ZPLD1: variants seen among roughly 807,000 people sequenced by gnomAD.
ZPLD1 encodes zona pellucida-like domain-containing protein 1.
ZPLD1 carries 34 observed loss-of-function variants against 47.2 expected under a neutral mutation model. The ratio of observed to expected loss-of-function variants is 0.72; its 90% CI spans 0.55 to 0.96. ZPLD1 has a LOEUF of 0.96. Ranked by LOEUF, ZPLD1 falls within the 40% of genes least tolerant of loss-of-function variation. The pLI is 0.00. For missense variants in ZPLD1, 512 were observed against 505.8 expected (o/e 1.01, Z -0.12); for synonymous variants, 176 against 186.2 (o/e 0.95, Z 0.45).
intron 8 of ZPLD1, among the ~76,000 whole-genome samples, chr3:102,422,047 G>A (rs1039687115): frequency 1.3e-5 from 2 of 152,026 alleles, no homozygotes; most frequent in Non-Finnish European, 2.9e-5. Flanking sequence ...TGTTTAAACA[G>A]TAAAGCATTA....
chr3:102,401,429 A>C (rs902942626), intron 7 of ZPLD1, among the ~76,000 whole-genome samples: 1 of 152,122 alleles, frequency 6.6e-6, no homozygotes, highest in Admixed American at 6.6e-5. Context: ...TATGAAGTGC[A>C]TACAATGTGA....
chr3:102,415,524 A>G (rs1706795358), intron 7 of ZPLD1, among the ~76,000 whole-genome samples: 1 of 151,966 alleles, frequency 6.6e-6, no homozygotes, highest in South Asian at 2.1e-4. Context: ...AAACTTCATG[A>G]AGCATAGGGG....
At chr3:102,423,836 T>G (rs1054498890) in intron 8 of ZPLD1, among the ~76,000 whole-genome samples, 9 of 152,120 alleles carry the variant, frequency 5.9e-5, no homozygotes, top group Admixed American at 4.6e-4. Flanking sequence ...AATTGATTGG[T>G]TAACATGACC....
chr3:102,387,105 T>C (rs914247100), intron 6 of ZPLD1, among the ~76,000 whole-genome samples: 1 of 152,218 alleles, frequency 6.6e-6, no homozygotes, highest in African/African-American at 2.4e-5. Flanking sequence ...TGATTTTAAT[T>C]ATATAGCTCC....
intron 7 of ZPLD1, among the ~76,000 whole-genome samples, chr3:102,405,980 T>C (rs1260410344): frequency 6.6e-6 from 1 of 152,002 alleles, no homozygotes; most frequent in African/African-American, 2.4e-5. Context: ...AGCTATTTTG[T>C]TTTTATTTAA....
chr3:102,414,605 A>G (rs546276030), intron 7 of ZPLD1, among the ~76,000 whole-genome samples: 105 of 152,042 alleles, frequency 6.9e-4, no homozygotes, highest in African/African-American at 2.4e-3. Context: ...GTTATTCAAT[A>G]TCAGTTACCT....
chr3:102,416,816 G>A (rs557069395), intron 7 of ZPLD1, among the ~76,000 whole-genome samples: 3 of 152,018 alleles, frequency 2.0e-5, no homozygotes, highest in East Asian at 1.9e-4. Context: ...TTATAAATAT[G>A]CTTTTTCGTG....
intron 3 of ZPLD1, among the ~76,000 whole-genome samples, chr3:102,438,868 T>C (rs1161262428): frequency 6.6e-6 from 1 of 152,206 alleles, no homozygotes; most frequent in Non-Finnish European, 1.5e-5. Flanking sequence ...ACTAATTTCA[T>C]TCAAAATTTG....
rs192445719 is a variant in ZPLD1 at position 102,437,221 on chromosome 3, C to T, written c.-9+248C>T. Among the ~76,000 whole-genome samples, 368 of 152,318 alleles carry T rather than the reference C, an allele frequency of 2.4e-3. 4 individuals carry two copies. The highest frequency in any genetic ancestry group is 4.3e-4 in the Non-Finnish European group (29 of 68,040). ...GCTGTTCTCTCCAAAGTCTTTAGAT[C>T]TGTGCCCGAGTACTGTGTGATAGTG... On this transcript the variant is annotated intron_variant, in intron 2 of 11. Coordinates refer to ENST00000466937, the MANE Select transcript of ZPLD1 (RefSeq NM_001329788.2).
intron 8 of ZPLD1, among the ~76,000 whole-genome samples, chr3:102,427,990 C>G (rs1406655821): frequency 6.6e-6 from 1 of 151,998 alleles, no homozygotes; most frequent in Non-Finnish European, 1.5e-5. Context: ...GAAGTGCTTC[C>G]TTTTGATTAA....
intron 7 of ZPLD1, among the ~76,000 whole-genome samples, chr3:102,417,694 A>G (rs1055313104): frequency 2.0e-5 from 3 of 151,978 alleles, no homozygotes; most frequent in African/African-American, 4.8e-5. Flanking sequence ...AGGGCCCGGC[A>G]TCTTTCACGA....
intron 6 of ZPLD1, among the ~76,000 whole-genome samples, chr3:102,461,234 A>G (rs1338828588): frequency 6.6e-6 from 1 of 152,068 alleles, no homozygotes; most frequent in African/African-American, 2.4e-5. Context: ...CTTTTCTGCC[A>G]AACAGCAATG....
intron 7 of ZPLD1, among the ~76,000 whole-genome samples, chr3:102,397,132 A>C (rs1339626641): frequency 6.6e-6 from 1 of 151,964 alleles, no homozygotes; most frequent in Non-Finnish European, 1.5e-5. Context: ...CTCACAGAAA[A>C]TTTTTCATAT....
intron 4 of ZPLD1, 64 bp downstream of exon 4, chr3:102,453,203 G>T: frequency 7.2e-7 from 1 of 1,383,676 alleles, no homozygotes; most frequent in South Asian, 1.2e-5. Context: ...CCCATTTCAT[G>T]AAAGAATAAG....
intron 7 of ZPLD1, among the ~76,000 whole-genome samples, chr3:102,394,185 T>C (rs1028949850): frequency 1.2e-4 from 19 of 152,164 alleles, no homozygotes; most frequent in African/African-American, 4.6e-4. Flanking sequence ...CTACGGAAGT[T>C]AGAGGTAGAA....
In ZPLD1 at chr3:102,399,803, A is replaced by AGTTT. The variant is rs200587287; in HGVS notation, c.-157+7595_-157+7598dup. Among the ~76,000 whole-genome samples, 106 of 151,854 alleles carry AGTTT rather than the reference A, an allele frequency of 7.0e-4. No individual in the cohort carries two copies. In the East Asian group the frequency reaches 0.019, roughly 27 times the overall value. On this transcript the variant is annotated intron_variant, in intron 7 of 17. Coordinates refer to the ZPLD1 transcript ENST00000491959. Reference sequence around the variant, plus strand: ...TTTGATAGATTTTTCCAAGTCAGAGAGTTTGTTTGTTTGTTTGTTTATTTA... The same window carrying AGTTT: ...TTTGATAGATTTTTCCAAGTCAGAGAGTTTGTTTGTTTGTTTGTTTGTTTATTTA...
At chr3:102,458,298 G>A (rs1189418098) in intron 6 of ZPLD1, among the ~76,000 whole-genome samples, 1 of 151,992 alleles carries the variant, frequency 6.6e-6, no homozygotes, top group East Asian at 1.9e-4. Flanking sequence ...TATGGGTTTT[G>A]GCTGATGACA....
chr3:102,475,827 G>A (rs1707751061), intron 10 of ZPLD1, among the ~76,000 whole-genome samples: 1 of 151,736 alleles, frequency 6.6e-6, no homozygotes. Context: ...TCATGTGTCT[G>A]AAAAAAAATG....
chr3:102,435,032 A>G lies in ZPLD1; in HGVS notation c.-245A>G. 1.3e-6 allele frequency: 2 copies of G among 1,487,226 alleles called. No individual in the cohort carries two copies. Among genetic ancestry groups the G allele is most frequent in the Non-Finnish European group, 1.9e-6 (2 of 1,066,402 alleles). 92.1% of individuals were successfully genotyped at this position (1,487,226 alleles called of 1,614,324 possible). A position where few individuals can be genotyped will look rare whatever the true frequency, so the allele number is the denominator to read the frequency against. On this transcript the variant is annotated 5_prime_UTR_variant, in exon 1 of 12. Transcript: ENST00000466937. ...GAGGAATGTAAAGGGTGTTAACATA[A>G]TCCCCCAATCCCATACAATTCAATT...
Sources: allele counts gnomAD v4.1 joint callset (sites outside exome capture counted in the v4.1 genomes callset), GRCh38; gene constraint gnomAD v4.1.1; transcripts MANE v1.5; gene names NCBI Gene and HGNC (gene_info 2026-07-23, HGNC 2026-07-21).